The following CHD5 variants were observed in gnomAD, a reference collection of about 807,000 sequenced individuals.
CHD5 encodes ATP-dependent chromatin remodeler CHD5.
A neutral mutation model predicts 230.3 loss-of-function variants in CHD5; 69 were observed. That is an observed-to-expected ratio of 0.30 (90% CI 0.25 to 0.37). The LOEUF is 0.37. Ranked by LOEUF, CHD5 falls within the 10% of genes least tolerant of loss-of-function variation. CHD5 has a pLI of 1.00. For missense variants in CHD5, 1,827 were observed against 2,622.8 expected (o/e 0.70, Z 6.63); for synonymous variants, 1,064 against 1,065.9 (o/e 1.00, Z 0.03).
chr1:6,180,104 CCGGCGCGCG>C lies in CHD5; in HGVS notation c.-90_-82del, dbSNP rs1667491935. ...CAGCCTTAACCCGTGCGCTGCCGGA[CCGGCGCGCG>C]CGGCGGGCGAGGCGGCCTCGGCGAG... On this transcript the variant is annotated 5_prime_UTR_variant, in exon 1 of 42. Coordinates refer to ENST00000262450, the MANE Select transcript of CHD5 (RefSeq NM_015557.3). 1 of 655,700 alleles carries C rather than the reference CCGGCGCGCG, an allele frequency of 1.5e-6. No homozygotes were observed. The highest frequency in any genetic ancestry group is 2.0e-5 in the African/African-American group (1 of 50,840). 40.6% of individuals were successfully genotyped at this position (655,700 alleles called of 1,614,324 possible). A position where few individuals can be genotyped will look rare whatever the true frequency, so the allele number is the denominator to read the frequency against.
Position 6,142,838 on chromosome 1 carries a change from TCTC to T in CHD5, c.2044-236_2044-234del, listed in dbSNP as rs1446183027. 1.3e-5 allele frequency among the ~76,000 whole-genome samples: 2 copies of T among 152,012 alleles called. No homozygotes were observed. Among genetic ancestry groups the T allele is most frequent in the Admixed American group, 6.5e-5 (1 of 15,272 alleles). On this transcript the variant is annotated intron_variant, in intron 13 of 41. Transcript: ENST00000262450. This position sits in a 1 kb window ranked among gnomAD's most constrained non-coding sequence, Gnocchi z 5.2. Reference sequence around the variant, plus strand: ...TGTCCTCCCATGGCAGCCCTGTACTTCTCCTATCAGGGAAATTTCCCGACTGTT... The same window carrying T: ...TGTCCTCCCATGGCAGCCCTGTACTTCTATCAGGGAAATTTCCCGACTGTT...
intron 33 of CHD5, 80 bp from the exon 34 acceptor site, chr1:6,113,078 A>G: frequency 4.3e-6 from 4 of 924,526 alleles, no homozygotes; most frequent in South Asian, 3.9e-5. Flanking sequence ...CTTTCCACCC[A>G]TGGAACCCTA....
intron 2 of CHD5, among the ~76,000 whole-genome samples, chr1:6,162,945 GC>G (rs1199012477): frequency 6.6e-6 from 1 of 152,176 alleles, no homozygotes; most frequent in Non-Finnish European, 1.5e-5. Context: ...ACCAGGAGTG[GC>G]GGCCCAGGGA....
rs1399603622 is a variant in CHD5, at chr1:6,134,982, C to T, written c.2871-123G>A. On this transcript the variant is annotated intron_variant, in intron 18 of 41. Transcript: ENST00000262450. This position sits in a 1 kb window ranked among gnomAD's most constrained non-coding sequence, Gnocchi z 6.3. ...CCATTTACAGAGAGACCCAAGGGAC[C>T]CCCAAGAGGTGAAGCCACCGGCCTG... 1.5e-6 allele frequency: 2 copies of T among 1,300,398 alleles called. No individual in the cohort carries two copies. The highest frequency in any genetic ancestry group is 1.4e-5 in the South Asian group (1 of 73,454). The allele number at this position is 1,300,398 out of a possible 1,614,324, so 80.6% of individuals were successfully genotyped here. A position where few individuals can be genotyped will look rare whatever the true frequency, so the allele number is the denominator to read the frequency against.
Position 6,142,142 on chromosome 1 carries a change from C to T in CHD5, c.2422G>A (p.Val808Ile). 6.2e-7 allele frequency: 1 copy of T among 1,614,094 alleles called. No homozygotes were observed. The highest frequency in any genetic ancestry group is 8.5e-7 in the Non-Finnish European group (1 of 1,179,952). Residue 808 changes from valine (V) to isoleucine (I), a missense_variant, in exon 15 of 42, where the codon GTA becomes ATA. Physicochemically the swap from Val to Ile is conservative, Grantham distance 29. Around this residue, in one of 14 missense-constraint regions of CHD5, gnomAD observed 80 missense variants for 96.4 expected, o/e 0.83. Coordinates refer to ENST00000262450, the MANE Select transcript of CHD5 (RefSeq NM_015557.3). This position sits in a 1 kb window ranked among gnomAD's most constrained non-coding sequence, Gnocchi z 5.2. ...EDNAIRSGKK[V>I]FRMKKEVQIK... Reference sequence around the variant, plus strand: ...CGAGCCCTCACCTTCATACGGAATACCTTCTTCCCACTCCGAATGGCGTTG... The same window carrying T: ...CGAGCCCTCACCTTCATACGGAATATCTTCTTCCCACTCCGAATGGCGTTG...
chr1:6,136,614 T>C lies in CHD5; in HGVS notation c.2599A>G (p.Lys867Glu), dbSNP rs1470017902. 6.2e-7 allele frequency: 1 copy of C among 1,613,998 alleles called. No individual in the cohort carries two copies. The highest frequency in any genetic ancestry group is 8.5e-7 in the Non-Finnish European group (1 of 1,180,022). Residue 867 changes from lysine to glutamate, a missense_variant, in exon 17 of 42, where the codon AAG (lysine) becomes GAG (glutamate). Physicochemically the swap from Lys to Glu is moderately conservative, Grantham distance 56. This residue lies in a region of CHD5 where 52 missense variants were observed against 164.5 expected (regional missense o/e 0.32). Transcript: ENST00000262450. Reference sequence around the variant, plus strand: ...GTCAGCAGCAGCTTGTAATCAATCTTGTAGCTGTTTAAGACCCTAAAAAAC... The same window carrying C: ...GTCAGCAGCAGCTTGTAATCAATCTCGTAGCTGTTTAAGACCCTAAAAAAC... ...SKFFRVLNSY[K>E]IDYKLLLTGT...
chr1:6,157,954 T>A (rs1667105556), intron 3 of CHD5, among the ~76,000 whole-genome samples: 1 of 152,090 alleles, frequency 6.6e-6, no homozygotes, highest in African/African-American at 2.4e-5. Context: ...CTCCCACACC[T>A]CCCAACTTCA....
chr1:6,116,697 A>G (rs1184962741), intron 33 of CHD5, among the ~76,000 whole-genome samples: 1 of 152,240 alleles, frequency 6.6e-6, no homozygotes, highest in Non-Finnish European at 1.5e-5. Context: ...GAAGATCCCT[A>G]TCCCATCTTC....
Position 6,111,866 on chromosome 1 carries a change from G to A in CHD5, c.5158C>T (p.Gln1720Ter). 6.2e-7 allele frequency: 1 copy of A among 1,613,236 alleles called. No individual in the cohort carries two copies. ...GATACAGCAGCCCGCTCCTCGTTCTGCCACAGCGTGTGCAACTCTGGGAAA... is the reference window on the plus strand; with the variant it reads ...GATACAGCAGCCCGCTCCTCGTTCTACCACAGCGTGTGCAACTCTGGGAAA... ...GGFTELHTLW[Q>*]NEERAAVSSG... The change falls in exon 36 of 42, where the codon CAG becomes TAG. Residue 1720 changes from glutamine (Q) to a stop codon, truncating the protein, a stop_gained. Coordinates refer to ENST00000262450, the MANE Select transcript of CHD5 (RefSeq NM_015557.3). LOFTEE classifies it high-confidence loss of function.
At chr1:6,153,625 T>C (rs974666807) in intron 5 of CHD5, among the ~76,000 whole-genome samples, 5 of 152,164 alleles carry the variant, frequency 3.3e-5, no homozygotes, top group African/African-American at 1.2e-4. Flanking sequence ...GGTCAGGAGT[T>C]CTGAGACCAG....
In CHD5 at chr1:6,110,469, G is replaced by A. The variant is rs201137480; in HGVS notation, c.5307C>T (p.Asn1769=). The A allele has an allele frequency of 1.7e-5, 27 of 1,614,022 alleles. No individual in the cohort carries two copies. Among genetic ancestry groups the A allele is most frequent in the Middle Eastern group, 1.6e-4 (1 of 6,062 alleles). The change falls in exon 37 of 42, where the codon AAC becomes AAT. Residue 1769 remains asparagine (N), a synonymous_variant. Transcript: ENST00000262450. ...IQNDPRYMIL[N]EPFKSEVHKG... ...TGTGGACCTCAGACTTGAAGGGCTC[G>A]TTGAGGATCATGTACCGTGGGTCAT...
chr1:6,105,074 C>T lies in CHD5; in HGVS notation c.*400G>A. The T allele has an allele frequency of 3.1e-6, 1 of 323,380 alleles. No homozygotes were observed. Among genetic ancestry groups the T allele is most frequent in the South Asian group, 2.5e-5 (1 of 39,954 alleles). 20.0% of individuals were successfully genotyped at this position (323,380 alleles called of 1,614,324 possible). ...ACCCATCGGTAAAGAGACATCAGTGCTGCAGGTTCGAATCTTCCATACGTC... is the reference window on the plus strand; with the variant it reads ...ACCCATCGGTAAAGAGACATCAGTGTTGCAGGTTCGAATCTTCCATACGTC... On this transcript the variant is annotated 3_prime_UTR_variant, in exon 42 of 42. Coordinates refer to ENST00000262450, the MANE Select transcript of CHD5 (RefSeq NM_015557.3). The surrounding 1 kb of genome is among the most constrained non-coding windows in gnomAD (Gnocchi z 4.8).
chr1:6,114,703 AG>A (rs1279085948), intron 33 of CHD5, among the ~76,000 whole-genome samples: 2 of 152,146 alleles, frequency 1.3e-5, no homozygotes, highest in Non-Finnish European at 2.9e-5. Flanking sequence ...CAGAGAAAAA[AG>A]AAAAAGAAGG....
Position 6,152,416 on chromosome 1 carries a change from G to T in CHD5, c.866C>A (p.Ser289Tyr). The T allele has an allele frequency of 3.1e-6, 5 of 1,613,494 alleles. No individual in the cohort carries two copies. Among genetic ancestry groups the T allele is most frequent in the Non-Finnish European group, 3.4e-6 (4 of 1,179,708 alleles). The change falls in exon 6 of 42, where the codon TCC becomes TAC. Residue 289 changes from serine (S) to tyrosine (Y), a missense_variant. Transcript: ENST00000262450. ...CGCACACACGCACACACTCACCGAG[G>T]AGCCTTTCTTCCTCTTGTTGCTGAT... ...GGISNKRKKG[S>Y]SSEEDEREES...
rs1667060413 is a variant in CHD5, at chr1:6,155,065, C to A, written c.507-167G>T. Among the ~76,000 whole-genome samples the A allele has an allele frequency of 6.6e-6, 1 of 151,462 alleles. No homozygotes were observed. On this transcript the variant is annotated intron_variant, in intron 4 of 41. Transcript: ENST00000262450. This position sits in a 1 kb window ranked among gnomAD's most constrained non-coding sequence, Gnocchi z 4.0. ...AAACCCACTGACCACAGCCCACCCC[C>A]AAAACGCCCCAGCTTCCTGTCCACA... is the stretch of plus-strand genomic sequence containing the variant.
At chr1:6,114,123 C>T (rs770912163) in intron 33 of CHD5, among the ~76,000 whole-genome samples, 1 of 151,994 alleles carries the variant, frequency 6.6e-6, no homozygotes, top group Non-Finnish European at 1.5e-5. Flanking sequence ...TGTGGTGGCA[C>T]GTGCCTGTAA....
In CHD5 at chr1:6,121,529, C is replaced by T. The variant is rs527819079; in HGVS notation, c.4744G>A (p.Gly1582Arg). 1.4e-5 allele frequency: 23 copies of T among 1,613,108 alleles called. No homozygotes were observed. Among genetic ancestry groups the T allele is most frequent in the African/African-American group, 6.7e-5 (5 of 75,042 alleles). ...QLGYMDEKDP[G>R]AQKPRQPLEV... ...AGGGGCTGCCTTGGCTTCTGTGCCCCGGGGTCTTTCTCATCCATGTAGCCC... is the reference window on the plus strand; with the variant it reads ...AGGGGCTGCCTTGGCTTCTGTGCCCTGGGGTCTTTCTCATCCATGTAGCCC... Residue 1582 changes from glycine to arginine, a missense_variant, in exon 32 of 42, where the codon GGG becomes AGG. Around this residue, in one of 14 missense-constraint regions of CHD5, gnomAD observed 272 missense variants for 263.2 expected, o/e 1.03. Transcript: ENST00000262450. This position sits in a 1 kb window ranked among gnomAD's most constrained non-coding sequence, Gnocchi z 4.5.
rs1667045205 is a variant in CHD5 at position 6,154,073 on chromosome 1, C to T, written c.745+587G>A. Among the ~76,000 whole-genome samples, 1 of 152,170 alleles carries T rather than the reference C, an allele frequency of 6.6e-6. No homozygotes were observed. Among genetic ancestry groups the T allele is most frequent in the African/African-American group, 2.4e-5 (1 of 41,440 alleles). On this transcript the variant is annotated intron_variant, in intron 5 of 41. Coordinates refer to ENST00000262450, the MANE Select transcript of CHD5 (RefSeq NM_015557.3). The surrounding 1 kb of genome is among the most constrained non-coding windows in gnomAD (Gnocchi z 7.0). Reference sequence around the variant, plus strand: ...ATCTCCTTCCAGGCCTGTCCCAGAACAGCCTCCCTGGGAAGCGAGACCTGG... The same window carrying T: ...ATCTCCTTCCAGGCCTGTCCCAGAATAGCCTCCCTGGGAAGCGAGACCTGG...
chr1:6,119,791 G>A lies in CHD5; in HGVS notation c.4912+1314C>T, dbSNP rs568426933. 3.3e-5 allele frequency among the ~76,000 whole-genome samples: 5 copies of A among 149,700 alleles called. No individual in the cohort carries two copies. The South Asian group carries it at 1.1e-3, about 32-fold the overall frequency. On this transcript the variant is annotated intron_variant, in intron 33 of 41. Coordinates refer to ENST00000262450, the MANE Select transcript of CHD5 (RefSeq NM_015557.3). ...CATACGTACATATGTGCGTATATAC[G>A]TACGTATGTACGTACATATATACGT...
Sources: allele counts gnomAD v4.1 joint callset (sites outside exome capture counted in the v4.1 genomes callset), GRCh38; gene constraint gnomAD v4.1.1; regional missense constraint gnomAD v4.1.1; non-coding constraint Gnocchi (gnomAD v3.1); transcripts MANE v1.5; gene names NCBI Gene and HGNC (gene_info 2026-07-23, HGNC 2026-07-21).